The following TENT4B variants were observed in gnomAD, a reference collection of about 807,000 sequenced individuals.
TENT4B encodes PAP associated domain containing 5.
TENT4B carries 10 observed loss-of-function variants against 75.0 expected under a neutral mutation model. The ratio of observed to expected loss-of-function variants is 0.13; its 90% CI spans 0.08 to 0.23. TENT4B has a LOEUF of 0.23. Among genes scored for constraint, TENT4B ranks in the 10% least tolerant of loss-of-function variants. The probability of loss-of-function intolerance (pLI) is 1.00; values close to 1 mark genes in which losing one functional copy is unlikely to be tolerated. For missense variants in TENT4B, 579 were observed against 893.8 expected, an observed-to-expected ratio of 0.65 and a Z score of 4.49; for synonymous variants, 350 against 357.7, an observed-to-expected ratio of 0.98 and a Z score of 0.24.
Position 50,229,077 on chromosome 16 carries a change from C to A in TENT4B, c.1966-75C>A, listed in dbSNP as rs183068658. ...CATATTCCTAGTTTTGAAAGCTTCC[C>A]CAAATCCAGGTGTTTGAGAACACTC... On this transcript the variant is annotated intron_variant, in intron 11 of 11. Transcript: ENST00000561678. The A allele has an allele frequency of 1.9e-6, 3 of 1,568,930 alleles. No individual in the cohort carries two copies. The African/African-American group carries it at 4.1e-5, about 22-fold the overall frequency.
At chr16:50,180,368 G>T (rs1266592598) in intron 1 of TENT4B, among the ~76,000 whole-genome samples, 1 of 152,128 alleles carries the variant, frequency 6.6e-6, no homozygotes, top group African/African-American at 2.4e-5. Context: ...CTCCCAGAGT[G>T]CTGGGATTAC....
intron 1 of TENT4B, among the ~76,000 whole-genome samples, chr16:50,180,695 C>T (rs577553307): frequency 2.6e-3 from 352 of 136,774 alleles, no homozygotes; most frequent in African/African-American, 8.7e-3. Context: ...GGTGACAGAG[C>T]GAGACTCCAT....
At chr16:50,195,068 T>G (rs28713571) in intron 1 of TENT4B, among the ~76,000 whole-genome samples, 3,079 of 152,256 alleles carry the variant, frequency 0.02, 110 homozygotes, top group African/African-American at 0.071. Flanking sequence ...TTTAAATTTT[T>G]TTTTGTAGAC....
intron 1 of TENT4B, among the ~76,000 whole-genome samples, chr16:50,204,322 G>A (rs945878543): frequency 6.6e-6 from 1 of 152,130 alleles, no homozygotes; most frequent in East Asian, 1.9e-4. Context: ...TTGTTTTTTG[G>A]TTTTGGGAAC....
At position 50,233,753 on chromosome 16, in the gene TENT4B, C is replaced by G. The variant is rs896730595; in HGVS notation, c.*4425C>G. ...AAGTGTGTACTTTATTGAGTTTAAC[C>G]TTGTCTGTAGCCTAGTAGCCTGAAA... On this transcript the variant is annotated 3_prime_UTR_variant, in exon 12 of 12. Transcript: ENST00000561678. The G allele has an allele frequency of 1.0e-6, 1 of 985,106 alleles. No homozygotes were observed. The allele number at this position is 985,106 out of a possible 1,614,324, so 61.0% of individuals were successfully genotyped here. A position where few individuals can be genotyped will look rare whatever the true frequency, so the allele number is the denominator to read the frequency against.
At position 50,234,557 on chromosome 16, in the gene TENT4B, T is replaced by C. The variant is rs764946165; in HGVS notation, c.*5229T>C. ...TATTTAGTTGCAATTTATTATAATA[T>C]GTTGTTTTGTCCCTGAACTTAATCT... On this transcript the variant is annotated 3_prime_UTR_variant, in exon 12 of 12. Transcript: ENST00000561678. 8 of 982,108 alleles carry C rather than the reference T, an allele frequency of 8.1e-6. No homozygotes were observed. In the South Asian group the frequency reaches 1.9e-4, roughly 23 times the overall value. 60.8% of individuals were successfully genotyped at this position (982,108 alleles called of 1,614,324 possible). A position where few individuals can be genotyped will look rare whatever the true frequency, so the allele number is the denominator to read the frequency against.
chr16:50,200,858 G>A (rs1057436203), intron 1 of TENT4B, among the ~76,000 whole-genome samples: 15 of 151,694 alleles, frequency 9.9e-5, no homozygotes, highest in Admixed American at 2.0e-4. Context: ...GCAGTGGCAT[G>A]AACATGGCTC....
chr16:50,213,843 AAAG>A (rs1383563899), intron 2 of TENT4B, among the ~76,000 whole-genome samples: 1 of 152,212 alleles, frequency 6.6e-6, no homozygotes, highest in Non-Finnish European at 1.5e-5. Flanking sequence ...TAAGTAATCT[AAAG>A]ATGATGTAAA....
intron 1 of TENT4B, among the ~76,000 whole-genome samples, chr16:50,159,668 C>T (rs1340674079): frequency 3.3e-5 from 5 of 152,102 alleles, no homozygotes; most frequent in Admixed American, 3.3e-4. Context: ...GTGATTTGTG[C>T]TCTATTTAAT....
chr16:50,192,442 G>C (rs2150710726), intron 1 of TENT4B, among the ~76,000 whole-genome samples: 1 of 152,052 alleles, frequency 6.6e-6, no homozygotes, highest in African/African-American at 2.4e-5. Context: ...ATTATTATGA[G>C]TACACAATAG....
Position 50,231,109 on chromosome 16 carries a change from C to A in TENT4B, c.*1781C>A, listed in dbSNP as rs2032279201. The A allele has an allele frequency of 1.0e-6, 1 of 985,016 alleles. No homozygotes were observed. The highest frequency in any genetic ancestry group is 1.2e-6 in the Non-Finnish European group (1 of 829,218). 61.0% of individuals were successfully genotyped at this position (985,016 alleles called of 1,614,324 possible). On this transcript the variant is annotated 3_prime_UTR_variant, in exon 12 of 12. Coordinates refer to ENST00000561678, the MANE Select transcript of TENT4B (RefSeq NM_001365324.3). The stretch of plus-strand genomic sequence containing the variant: ...TTTTCAATATGTTCATATTTTAATT[C>A]ACAATGGAAAAATGTGTTCCAAAAC...
At chr16:50,182,400 T>C (rs2038432000) in intron 1 of TENT4B, among the ~76,000 whole-genome samples, 1 of 152,202 alleles carries the variant, frequency 6.6e-6, no homozygotes, top group Non-Finnish European at 1.5e-5. Context: ...TTGACTAAAA[T>C]ATTAACTCCA....
At position 50,231,047 on chromosome 16, in the gene TENT4B, G is replaced by A. The variant is rs973144908; in HGVS notation, c.*1719G>A. ...TTTTTATAAAGAAAATAATGCTAAA[G>A]TAAGACCAAAACTGATGTCATCACT... On this transcript the variant is annotated 3_prime_UTR_variant, in exon 12 of 12. Coordinates refer to ENST00000561678, the MANE Select transcript of TENT4B (RefSeq NM_001365324.3). The A allele has an allele frequency of 4.2e-6, 4 of 963,662 alleles. No homozygotes were observed. The African/African-American group carries it at 7.0e-5, about 17-fold the overall frequency. 59.7% of individuals were successfully genotyped at this position (963,662 alleles called of 1,614,324 possible). A position where few individuals can be genotyped will look rare whatever the true frequency, so the allele number is the denominator to read the frequency against.
rs1197816231 is a variant in TENT4B at position 50,153,896 on chromosome 16, G to C, written c.275G>C (p.Gly92Ala). The change falls in exon 1 of 12, where the codon GGC becomes GCC. Residue 92 changes from glycine to alanine, a missense_variant. Transcript: ENST00000561678. ...GMYRSGERLL[G>A]SHALPAEQRD... Reference sequence around the variant, plus strand: ...TATCGCTCCGGGGAGCGCCTGCTGGGCAGCCACGCGCTGCCCGCGGAGCAG... The same window carrying C: ...TATCGCTCCGGGGAGCGCCTGCTGGCCAGCCACGCGCTGCCCGCGGAGCAG... The C allele has an allele frequency of 6.6e-7, 1 of 1,520,786 alleles. No individual in the cohort carries two copies. Among genetic ancestry groups the C allele is most frequent in the African/African-American group, 1.4e-5 (1 of 70,928 alleles). 94.2% of individuals were successfully genotyped at this position (1,520,786 alleles called of 1,614,324 possible). A position where few individuals can be genotyped will look rare whatever the true frequency, so the allele number is the denominator to read the frequency against.
At chr16:50,174,202 A>G (rs1016517320) in intron 1 of TENT4B, among the ~76,000 whole-genome samples, 3 of 152,118 alleles carry the variant, frequency 2.0e-5, no homozygotes, top group Middle Eastern at 6.8e-3. Flanking sequence ...GGTTCAAGTG[A>G]TTCTTGTGCC....
chr16:50,229,058 C>CCCCAATCAGCAGATTTGGGGAAG, intron 11 of TENT4B, 94 bp from the exon 12 acceptor site: 1 of 1,545,750 alleles, frequency 6.5e-7, no homozygotes, highest in South Asian at 1.3e-5. Flanking sequence ...CCAGCATATT[C>CCCCAATCAGCAGATTTGGGGAAG]CTAGTTTTGA....
chr16:50,224,885 A>G lies in TENT4B; in HGVS notation c.1509-6A>G, dbSNP rs763794743. On this transcript the variant is annotated splice_region_variant and splice_polypyrimidine_tract_variant and intron_variant, in intron 8 of 11. Coordinates refer to ENST00000561678, the MANE Select transcript of TENT4B (RefSeq NM_001365324.3). ...TCCCTCTCCCTTTCTTTTTAAACAC[A>G]TGCAGCATACTAGGTAGAATAATTA... 41 of 1,612,804 alleles carry G rather than the reference A, an allele frequency of 2.5e-5. No individual in the cohort carries two copies. Among genetic ancestry groups the G allele is most frequent in the Non-Finnish European group, 3.4e-5 (40 of 1,179,062 alleles).
intron 1 of TENT4B, among the ~76,000 whole-genome samples, chr16:50,189,664 C>T (rs1218851342): frequency 6.6e-6 from 1 of 152,060 alleles, no homozygotes; most frequent in Admixed American, 6.5e-5. Flanking sequence ...TGCCCTAATG[C>T]AATTCCAGGA....
intron 1 of TENT4B, among the ~76,000 whole-genome samples, chr16:50,200,049 T>C (rs2030534829): frequency 6.6e-6 from 1 of 152,138 alleles, no homozygotes; most frequent in Non-Finnish European, 1.5e-5. Flanking sequence ...CTGGATTGTA[T>C]GGTAAAAGTA....
Sources: gnomAD v4.1 joint callset for allele counts (sites outside exome capture counted in the v4.1 genomes callset) on GRCh38, gnomAD v4.1.1 for gene constraint, MANE v1.5 for transcripts, NCBI Gene and HGNC (gene_info 2026-07-23, HGNC 2026-07-21) for gene names.